The following CACNG2 variants were observed in gnomAD, a reference collection of about 807,000 sequenced individuals.
CACNG2 encodes voltage-dependent calcium channel gamma-2 subunit.
In CACNG2, 3 loss-of-function variants were observed where a neutral mutation model predicts 25.9. The ratio of observed to expected loss-of-function variants is 0.12; its 90% CI spans 0.05 to 0.30. CACNG2 has a LOEUF of 0.30. Ranked by LOEUF, CACNG2 falls within the 10% of genes least tolerant of loss-of-function variation. The pLI, the probability that CACNG2 is intolerant of heterozygous loss-of-function variation, is 1.00. For synonymous variants in CACNG2, 167 were observed against 173.3 expected (o/e 0.96, Z 0.29); for missense variants, 341 against 432.5 (o/e 0.79, Z 1.88).
At chr22:36,577,959 C>T (rs761123949) in intron 2 of CACNG2, among the ~76,000 whole-genome samples, 1 of 151,970 alleles carries the variant, frequency 6.6e-6, no homozygotes, top group Non-Finnish European at 1.5e-5. Flanking sequence ...ATAATGCTCC[C>T]AGGGTGCAGT....
intron 1 of CACNG2, among the ~76,000 whole-genome samples, chr22:36,626,038 G>A (rs916784627): frequency 2.6e-5 from 4 of 152,138 alleles, no homozygotes; most frequent in Non-Finnish European, 4.4e-5. Flanking sequence ...TCCTGACTCA[G>A]CCTCCCGAGT....
chr22:36,634,333 C>T (rs1936323465), intron 1 of CACNG2, among the ~76,000 whole-genome samples: 1 of 152,168 alleles, frequency 6.6e-6, no homozygotes. Context: ...GATGATCTGC[C>T]ATGATTTTTC....
rs112834185 is a variant in CACNG2, at chr22:36,567,804, G to C, written c.296-1311C>G. On this transcript the variant is annotated intron_variant, in intron 2 of 3. Transcript: ENST00000300105. ...GTCCTGGGAGCCATGGGCTAGGCAG[G>C]AGGCAGAGCTGGCTTGAGGCAGGGG... Among the ~76,000 whole-genome samples, 1,266 of 152,258 alleles carry C rather than the reference G, an allele frequency of 8.3e-3. 17 individuals are homozygous for C. Among genetic ancestry groups the C allele is most frequent in the Non-Finnish European group, 8.8e-3 (598 of 68,016 alleles).
chr22:36,642,434 A>G (rs1936453661), intron 1 of CACNG2, among the ~76,000 whole-genome samples: 2 of 152,210 alleles, frequency 1.3e-5, no homozygotes, highest in Non-Finnish European at 2.9e-5. Flanking sequence ...GTCAAAGGGA[A>G]GGATCCAGCC....
intron 1 of CACNG2, among the ~76,000 whole-genome samples, chr22:36,684,538 C>T (rs1367244220): frequency 6.7e-6 from 1 of 149,762 alleles, no homozygotes; most frequent in Admixed American, 6.7e-5. Flanking sequence ...ATCACTTGAG[C>T]CCAGTAGGTC....
chr22:36,576,242 C>T (rs541841654), intron 2 of CACNG2, among the ~76,000 whole-genome samples: 10 of 152,224 alleles, frequency 6.6e-5, no homozygotes, highest in African/African-American at 1.7e-4. Flanking sequence ...TGGGTGAGAT[C>T]GGAGACTATT....
At chr22:36,571,827 G>A (rs5995310) in intron 2 of CACNG2, among the ~76,000 whole-genome samples, 77,119 of 150,268 alleles carry the variant, frequency 0.51, 20,910 homozygotes, top group African/African-American at 0.69. Flanking sequence ...CAGTGAGCCA[G>A]GATCTCACCA....
Position 36,566,432 on chromosome 22 carries a change from G to A in CACNG2, c.357C>T (p.Gly119=). ...ILSVILLFMG[G]LCIAASEFYK... ...AGAACTCGCTGGCTGCGATGCAGAG[G>A]CCACCCATGAAAAGCAGAATCACAC... is the stretch of plus-strand genomic sequence containing the variant. The change falls in exon 3 of 4, where the codon GGC becomes GGT. Residue 119 remains glycine (G), a synonymous_variant. Coordinates refer to ENST00000300105, the MANE Select transcript of CACNG2 (RefSeq NM_006078.5). 1 of 1,614,072 alleles carries A rather than the reference G, an allele frequency of 6.2e-7. No individual in the cohort carries two copies. The highest frequency in any genetic ancestry group is 8.5e-7 in the Non-Finnish European group (1 of 1,179,956).
chr22:36,694,021 C>T (rs1283713996), intron 1 of CACNG2, among the ~76,000 whole-genome samples: 1 of 152,174 alleles, frequency 6.6e-6, no homozygotes, highest in African/African-American at 2.4e-5. Flanking sequence ...AAAGAGCAAC[C>T]ATCACCCTTT....
chr22:36,659,805 T>C (rs1936762814), intron 1 of CACNG2, among the ~76,000 whole-genome samples: 2 of 152,070 alleles, frequency 1.3e-5, no homozygotes, highest in East Asian at 3.9e-4. Flanking sequence ...ATGGAACACC[T>C]TGAATATCTG....
intron 1 of CACNG2, among the ~76,000 whole-genome samples, chr22:36,655,739 T>TTCCTTTCC (rs1936693864): frequency 6.7e-6 from 1 of 150,120 alleles, no homozygotes; most frequent in African/African-American, 2.5e-5. Context: ...TTTCTTTCTC[T>TTCCTTTCC]TCCTTTCTTC....
chr22:36,629,241 T>A (rs1936231100), intron 1 of CACNG2, among the ~76,000 whole-genome samples: 1 of 152,218 alleles, frequency 6.6e-6, no homozygotes, highest in Non-Finnish European at 1.5e-5. Context: ...TGGTGAAGAA[T>A]ATGTTCATTC....
At chr22:36,664,908 A>G (rs1936853286) in intron 1 of CACNG2, among the ~76,000 whole-genome samples, 1 of 152,194 alleles carries the variant, frequency 6.6e-6, no homozygotes, top group African/African-American at 2.4e-5. Flanking sequence ...TTTTGAGTTT[A>G]CAACTCAGCT....
chr22:36,598,134 C>A (rs1935703510), intron 1 of CACNG2, among the ~76,000 whole-genome samples: 1 of 152,082 alleles, frequency 6.6e-6, no homozygotes, highest in Non-Finnish European at 1.5e-5. Flanking sequence ...GATGGTGAGC[C>A]TTTTAATTAA....
chr22:36,639,988 T>A (rs946889078), intron 1 of CACNG2, among the ~76,000 whole-genome samples: 3 of 152,116 alleles, frequency 2.0e-5, no homozygotes, highest in African/African-American at 7.2e-5. Context: ...TCAGTTTCAG[T>A]GTGTATCAGC....
chr22:36,599,699 C>G (rs1229848618), intron 1 of CACNG2, among the ~76,000 whole-genome samples: 1 of 150,152 alleles, frequency 6.7e-6, no homozygotes, highest in Non-Finnish European at 1.5e-5. Flanking sequence ...GACCCTGTCT[C>G]AAAGAAAAAA....
At chr22:36,600,603 G>A (rs1186443812) in intron 1 of CACNG2, among the ~76,000 whole-genome samples, 1 of 151,174 alleles carries the variant, frequency 6.6e-6, no homozygotes, top group Non-Finnish European at 1.5e-5. Flanking sequence ...CTGGAGTGCA[G>A]TGGTGTGATC....
chr22:36,655,746 C>T (rs547968679), intron 1 of CACNG2, among the ~76,000 whole-genome samples: 2 of 144,228 alleles, frequency 1.4e-5, no homozygotes, highest in African/African-American at 2.6e-5. Context: ...CTCTTCCTTT[C>T]TTCCTTTCTT....
In CACNG2 at chr22:36,564,711, C is replaced by A. The variant is rs190739501; in HGVS notation, c.612G>T (p.Arg204=). 6.2e-6 allele frequency: 10 copies of A among 1,614,106 alleles called. No individual in the cohort carries two copies. The highest frequency in any genetic ancestry group is 6.8e-6 in the Non-Finnish European group (8 of 1,180,024). ...GVLAVHMFID[R]HKQLRATARA... ...GGGCCGTGGCCCGCAGCTGTTTGTG[C>A]CGGTCGATAAACATGTGCACCGCCA... The change falls in exon 4 of 4, where the codon CGG becomes CGT. Residue 204 remains arginine (R), a synonymous_variant. Transcript: ENST00000300105. This position sits in a 1 kb window ranked among gnomAD's most constrained non-coding sequence, Gnocchi z 6.7.
Sources: gnomAD v4.1 joint callset for allele counts (sites outside exome capture counted in the v4.1 genomes callset) on GRCh38, gnomAD v4.1.1 for gene constraint, Gnocchi (gnomAD v3.1) non-coding constraint, MANE v1.5 for transcripts, NCBI Gene and HGNC (gene_info 2026-07-23, HGNC 2026-07-21) for gene names.